The following SYNJ1 variants were observed in gnomAD, a reference collection of about 807,000 sequenced individuals.
The protein encoded by SYNJ1 is synaptojanin 1.
In SYNJ1, 78 loss-of-function variants were observed where a neutral mutation model predicts 168.2. The ratio of observed to expected loss-of-function variants is 0.46; its 90% CI spans 0.39 to 0.56. The LOEUF (loss-of-function observed/expected upper bound fraction) is 0.56, where lower values mean the gene tolerates loss of function less well. Ranked by LOEUF, SYNJ1 falls within the 20% of genes least tolerant of loss-of-function variation. The probability of loss-of-function intolerance (pLI) is 0.00; values close to 1 mark genes in which losing one functional copy is unlikely to be tolerated. For synonymous variants in SYNJ1, 539 were observed against 548.6 expected, an observed-to-expected ratio of 0.98 and a Z score of 0.24; for missense variants, 1,303 against 1,597.6, an observed-to-expected ratio of 0.82 and a Z score of 3.14.
At chr21:32,694,415 T>C in intron 5 of SYNJ1, 104 bp from the exon 6 acceptor site, 1 of 815,214 alleles carries the variant, frequency 1.2e-6, no homozygotes, top group Non-Finnish European at 1.8e-6. Flanking sequence ...AGTTACATTT[T>C]ATGATCTAAC....
Position 32,656,765 on chromosome 21 carries a change from T to C in SYNJ1, c.2717A>G (p.Glu906Gly). 6.2e-7 allele frequency: 1 copy of C among 1,614,012 alleles called. No homozygotes were observed. Among genetic ancestry groups the C allele is most frequent in the East Asian group, 2.2e-5 (1 of 44,878 alleles). ...CAAGGCATCATCAAAAAAATTATTT[T>C]CTGGTAAAGAACTTTTGATTGAGAC... Reference protein sequence around the residue: ...VLVSIKSSLPENNFFDDALID... With the variant: ...VLVSIKSSLPGNNFFDDALID... The change falls in exon 21 of 33, where the codon GAA becomes GGA. Residue 906 changes from glutamate to glycine, a missense_variant. By Grantham distance (98) the Glu-to-Gly change is moderately conservative. Coordinates refer to ENST00000674351, the MANE Select transcript of SYNJ1 (RefSeq NM_203446.3).
rs1196637024 is a variant in SYNJ1, at chr21:32,657,589, TTTTA to T, written c.2461+123_2461+126del. On this transcript the variant is annotated intron_variant, in intron 19 of 32. Transcript: ENST00000674351. ...TTTCTAAAAATCTGACATATTTAAA[TTTTA>T]TTTATTCTATTCCAGTTAATGTTTC... is the stretch of plus-strand genomic sequence containing the variant. 14 of 843,988 alleles carry T rather than the reference TTTTA, an allele frequency of 1.7e-5. 1 individual carries two copies. In the Middle Eastern group the frequency reaches 2.4e-3, roughly 147 times the overall value. The allele number at this position is 843,988 out of a possible 1,614,324, so 52.3% of individuals were successfully genotyped here. A position where few individuals can be genotyped will look rare whatever the true frequency, so the allele number is the denominator to read the frequency against.
At chr21:32,677,636 C>T (rs2041464064) in intron 12 of SYNJ1, among the ~76,000 whole-genome samples, 2 of 152,076 alleles carry the variant, frequency 1.3e-5, no homozygotes, top group South Asian at 4.1e-4. Flanking sequence ...AGGAAGAAAG[C>T]CTGAAGTTGA....
intron 13 of SYNJ1, among the ~76,000 whole-genome samples, chr21:32,676,056 T>C (rs754017952): frequency 1.2e-4 from 18 of 152,198 alleles, no homozygotes; most frequent in Non-Finnish European, 1.6e-4. Flanking sequence ...AATGTAAAAG[T>C]GAAATTAAAA....
At chr21:32,653,187 C>G (rs1156468185) in intron 22 of SYNJ1, 101 bp downstream of exon 22, 1 of 903,138 alleles carries the variant, frequency 1.1e-6, no homozygotes, top group Non-Finnish European at 1.7e-6. Context: ...AGGTCTTTTC[C>G]CCTCCCATTT....
chr21:32,713,573 G>C (rs1423597521), intron 2 of SYNJ1, among the ~76,000 whole-genome samples: 1 of 144,812 alleles, frequency 6.9e-6, no homozygotes, highest in Non-Finnish European at 1.5e-5. Flanking sequence ...TGTCAACATG[G>C]ATGATTTCCC....
chr21:32,703,560 G>A (rs980479579), intron 2 of SYNJ1, among the ~76,000 whole-genome samples: 3 of 151,946 alleles, frequency 2.0e-5, no homozygotes, highest in Non-Finnish European at 4.4e-5. Flanking sequence ...TGACTTCCAG[G>A]ATAAATATTA....
intron 3 of SYNJ1, among the ~76,000 whole-genome samples, chr21:32,700,651 C>A (rs1156910512): frequency 6.6e-6 from 1 of 151,852 alleles, no homozygotes; most frequent in African/African-American, 2.4e-5. Context: ...GCTAAAACTA[C>A]GTCTCAAAAA....
intron 2 of SYNJ1, among the ~76,000 whole-genome samples, chr21:32,724,693 A>G (rs1049618323): frequency 6.6e-6 from 1 of 152,242 alleles, no homozygotes; most frequent in Non-Finnish European, 1.5e-5. Flanking sequence ...ACAGCACAAT[A>G]CAAACCTTGG....
intron 2 of SYNJ1, among the ~76,000 whole-genome samples, chr21:32,722,203 A>ATATATATATAT (rs1214320010): frequency 3.4e-5 from 3 of 88,688 alleles, no homozygotes; most frequent in African/African-American, 4.8e-5. Flanking sequence ...AAAAAAAAAA[A>ATATATATATAT]AAATATATAT....
At chr21:32,697,386 C>A (rs1361689245) in intron 4 of SYNJ1, among the ~76,000 whole-genome samples, 1 of 151,996 alleles carries the variant, frequency 6.6e-6, no homozygotes, top group African/African-American at 2.4e-5. Flanking sequence ...GTAAAATGAG[C>A]AAAATTCACC....
Position 32,695,138 on chromosome 21 carries a change from G to A in SYNJ1, c.624C>T (p.Ser208=). The change falls in exon 5 of 33, where the codon AGC becomes AGT. Residue 208 remains serine, a synonymous_variant. Transcript: ENST00000674351. ...TAAACCTGGTCCCAGCTCGTTCACA[G>A]CTTAATCTTGAAATGAGGCAAGCCT... ...QAKACLISRL[S]CERAGTRFNV... 6.2e-7 allele frequency: 1 copy of A among 1,614,082 alleles called. No homozygotes were observed. Among genetic ancestry groups the A allele is most frequent in the Non-Finnish European group, 8.5e-7 (1 of 1,180,006 alleles).
chr21:32,686,850 C>G, intron 8 of SYNJ1, 128 bp downstream of exon 8: 1 of 628,146 alleles, frequency 1.6e-6, no homozygotes, highest in African/African-American at 2.0e-5. Context: ...AAGTTTCCAA[C>G]AAGTACCCAA....
chr21:32,630,912 T>C lies in SYNJ1; in HGVS notation c.*893A>G. ...TATCAGTGCACTTACAATGACTTAT[T>C]GCACATAATGAAATACTAATGCCCA... On this transcript the variant is annotated 3_prime_UTR_variant, in exon 33 of 33. Transcript: ENST00000674351. The C allele has an allele frequency of 7.6e-7, 1 of 1,321,212 alleles. No homozygotes were observed. Among genetic ancestry groups the C allele is most frequent in the South Asian group, 1.5e-5 (1 of 68,398 alleles). The allele number at this position is 1,321,212 out of a possible 1,614,324, so 81.8% of individuals were successfully genotyped here.
At chr21:32,666,706 TC>T in intron 15 of SYNJ1, 133 bp from the exon 16 acceptor site, 1 of 921,040 alleles carries the variant, frequency 1.1e-6, no homozygotes, top group South Asian at 3.2e-5. Flanking sequence ...TGTTTTTGTT[TC>T]CTTTAAAAAG....
intron 2 of SYNJ1, among the ~76,000 whole-genome samples, chr21:32,719,075 G>A (rs1460786428): frequency 1.3e-5 from 2 of 152,184 alleles, no homozygotes; most frequent in African/African-American, 4.8e-5. Context: ...CCAAATCTCT[G>A]AAATGTGGAT....
chr21:32,666,775 T>C (rs2040951114), intron 15 of SYNJ1, among the ~76,000 whole-genome samples: 1 of 152,186 alleles, frequency 6.6e-6, no homozygotes, highest in African/African-American at 2.4e-5. Context: ...CTATTACTTC[T>C]TTACAAAGAA....
chr21:32,713,596 GGAT>G (rs1201881243), intron 2 of SYNJ1, among the ~76,000 whole-genome samples: 2 of 146,556 alleles, frequency 1.4e-5, no homozygotes, highest in Non-Finnish European at 3.0e-5. Context: ...ATGTCAACAT[GGAT>G]GATTTCCCAT....
At chr21:32,694,037 C>T (rs2146163814) in intron 6 of SYNJ1, among the ~76,000 whole-genome samples, 191 bp downstream of exon 6, 1 of 152,144 alleles carries the variant, frequency 6.6e-6, no homozygotes, top group Non-Finnish European at 1.5e-5. Context: ...TTTGAAAGAG[C>T]ATTAAAAGAA....
Sources: gnomAD v4.1 joint callset for allele counts (sites outside exome capture counted in the v4.1 genomes callset) on GRCh38, gnomAD v4.1.1 for gene constraint, MANE v1.5 for transcripts, NCBI Gene and HGNC (gene_info 2026-07-23, HGNC 2026-07-21) for gene names.